The following CYP2C19 variants were observed in gnomAD, a reference collection of about 807,000 sequenced individuals.
The protein encoded by CYP2C19 is cytochrome P450 2C19.
A neutral mutation model predicts 40.9 loss-of-function variants in CYP2C19; 59 were observed. The observed-to-expected ratio is 1.44, with a 90% CI of 1.17 to 1.79. The LOEUF (loss-of-function observed/expected upper bound fraction) is 1.79, where lower values mean the gene tolerates loss of function less well. Among genes scored for constraint, CYP2C19 ranks in the 40% most tolerant of loss-of-function variants. The probability of loss-of-function intolerance (pLI) is 0.00; values close to 1 mark genes in which losing one functional copy is unlikely to be tolerated. For synonymous variants in CYP2C19, 253 were observed against 208.7 expected, an observed-to-expected ratio of 1.21 and a Z score of -1.83; for missense variants, 754 against 596.9, an observed-to-expected ratio of 1.26 and a Z score of -2.74.
intron 3 of CYP2C19, 127 bp from the exon 4 acceptor site, chr10:94,780,372 T>G (rs534343821): frequency 8.1e-7 from 1 of 1,234,814 alleles, no homozygotes; most frequent in East Asian, 2.6e-5. Flanking sequence ...AACTCTTTTT[T>G]GCTTTTAAGG....
intron 6 of CYP2C19, 28 bp from the exon 7 acceptor site, chr10:94,842,809 C>T: frequency 6.2e-7 from 1 of 1,611,752 alleles, no homozygotes; most frequent in East Asian, 2.2e-5. Flanking sequence ...CTCTCCTTTT[C>T]CATCAGTTCT....
chr10:94,765,911 G>A (rs1237934648), intron 1 of CYP2C19, among the ~76,000 whole-genome samples: 5 of 152,094 alleles, frequency 3.3e-5, no homozygotes, highest in Non-Finnish European at 7.3e-5. Context: ...CATTCATACA[G>A]GGGCTTGGAA....
At chr10:94,816,097 T>C (rs1174924330) in intron 5 of CYP2C19, among the ~76,000 whole-genome samples, 1 of 152,088 alleles carries the variant, frequency 6.6e-6, no homozygotes, top group Non-Finnish European at 1.5e-5. Flanking sequence ...TATATATTTT[T>C]TTTGCCAAAA....
At chr10:94,791,653 A>C (rs1848607089) in intron 5 of CYP2C19, among the ~76,000 whole-genome samples, 1 of 152,126 alleles carries the variant, frequency 6.6e-6, no homozygotes, top group South Asian at 2.1e-4. Flanking sequence ...CAGGTTGTTC[A>C]GTTTCCATGT....
intron 1 of CYP2C19, among the ~76,000 whole-genome samples, chr10:94,764,196 G>A (rs912464180): frequency 1.3e-5 from 2 of 152,136 alleles, no homozygotes; most frequent in African/African-American, 2.4e-5. Context: ...ACCCAAGAGG[G>A]TTGCCGCTGC....
chr10:94,806,900 C>T (rs1236720907), intron 5 of CYP2C19, among the ~76,000 whole-genome samples: 1 of 151,804 alleles, frequency 6.6e-6, no homozygotes, highest in Non-Finnish European at 1.5e-5. Context: ...GTGCTTGAAA[C>T]ATTAAAAATC....
chr10:94,832,406 C>T (rs541027388), intron 6 of CYP2C19, among the ~76,000 whole-genome samples: 110 of 152,290 alleles, frequency 7.2e-4, no homozygotes, highest in African/African-American at 2.5e-3. Context: ...TCTTGTAAGA[C>T]TTATTCACTA....
intron 3 of CYP2C19, among the ~76,000 whole-genome samples, chr10:94,777,717 A>G (rs1189911724): frequency 6.6e-6 from 1 of 152,180 alleles, no homozygotes; most frequent in African/African-American, 2.4e-5. Context: ...AAACCCAGGT[A>G]ATACCATTCA....
Position 94,850,021 on chromosome 10 carries a change from T to G in CYP2C19, c.1254T>G (p.Asn418Lys). The G allele has an allele frequency of 1.2e-6, 2 of 1,613,658 alleles. No homozygotes were observed. Among genetic ancestry groups the G allele is most frequent in the Non-Finnish European group, 1.7e-6 (2 of 1,179,714 alleles). ...GTCACTTTCTGGATGAAGGTGGAAA[T>G]TTTAAGAAAAGTAACTACTTCATGC... The part of the protein sequence containing the change: ...DPRHFLDEGG[N>K]FKKSNYFMPF... The change falls in exon 8 of 9, where the codon AAT becomes AAG. Residue 418 changes from asparagine to lysine, a missense_variant. Coordinates refer to ENST00000371321, the MANE Select transcript of CYP2C19 (RefSeq NM_000769.4).
At chr10:94,790,095 T>C (rs1169906936) in intron 5 of CYP2C19, among the ~76,000 whole-genome samples, 2 of 151,930 alleles carry the variant, frequency 1.3e-5, no homozygotes, top group African/African-American at 2.4e-5. Context: ...TATTTTATTC[T>C]CTTTGTAGCA....
intron 6 of CYP2C19, among the ~76,000 whole-genome samples, chr10:94,842,122 T>A (rs1158782187): frequency 2.0e-5 from 3 of 152,222 alleles, no homozygotes; most frequent in African/African-American, 7.2e-5. Flanking sequence ...TATTGGGGCC[T>A]ATCTCTCTCT....
rs118203757 is a variant in CYP2C19, at chr10:94,842,879, G to A, written c.1004G>A (p.Arg335Gln). 5.6e-5 allele frequency: 90 copies of A among 1,614,100 alleles called. No homozygotes were observed. The highest frequency in any genetic ancestry group is 5.5e-4 in the African/African-American group (41 of 74,998). Residue 335 changes from arginine to glutamine, a missense_variant, in exon 7 of 9, where the codon CGG becomes CAG. Arg to Gln is a conservative substitution (Grantham distance 43). Transcript: ENST00000371321. ...EEIERVIGRNRSPCMQDRGHM... is the reference protein window; with the variant it reads ...EEIERVIGRNQSPCMQDRGHM... ...ATTGAACGTGTCATTGGCAGAAACC[G>A]GAGCCCCTGCATGCAGGACAGGGGC...
intron 1 of CYP2C19, chr10:94,774,144 C>CA (rs1163840721): frequency 6.6e-6 from 1 of 152,144 alleles, no homozygotes; most frequent in Non-Finnish European, 1.5e-5. Context: ...GCCCAGATGG[C>CA]TTCACCTCTC....
chr10:94,803,741 C>T (rs1485819072), intron 5 of CYP2C19, among the ~76,000 whole-genome samples: 2 of 152,172 alleles, frequency 1.3e-5, no homozygotes, highest in Non-Finnish European at 2.9e-5. Flanking sequence ...GCCTAAACTT[C>T]TAATCCAGGT....
At chr10:94,812,568 C>A (rs904016668) in intron 5 of CYP2C19, among the ~76,000 whole-genome samples, 1 of 152,176 alleles carries the variant, frequency 6.6e-6, no homozygotes, top group South Asian at 2.1e-4. Context: ...AGGCTATGTT[C>A]ATTTCTTTTT....
At chr10:94,844,755 C>G (rs1811282377) in intron 7 of CYP2C19, among the ~76,000 whole-genome samples, 1 of 152,132 alleles carries the variant, frequency 6.6e-6, no homozygotes, top group African/African-American at 2.4e-5. Flanking sequence ...TTCACAAACA[C>G]AGGAGATAAC....
intron 1 of CYP2C19, among the ~76,000 whole-genome samples, chr10:94,771,628 G>A (rs1848332713): frequency 1.3e-5 from 2 of 152,032 alleles, no homozygotes; most frequent in South Asian, 4.1e-4. Context: ...GCATTTCAAG[G>A]GTGAGCCTGT....
intron 5 of CYP2C19, among the ~76,000 whole-genome samples, chr10:94,784,598 G>A (rs1463083253): frequency 6.6e-6 from 1 of 151,802 alleles, no homozygotes; most frequent in African/African-American, 2.4e-5. Flanking sequence ...AATGTAAAGT[G>A]GTATCTCATT....
intron 6 of CYP2C19, among the ~76,000 whole-genome samples, chr10:94,829,223 T>G (rs890961667): frequency 2.6e-5 from 4 of 152,224 alleles, no homozygotes; most frequent in African/African-American, 9.7e-5. Context: ...CGTGCTAGAT[T>G]GGGGAAGTTC....
Sources: gnomAD v4.1 joint callset for allele counts (sites outside exome capture counted in the v4.1 genomes callset) on GRCh38, gnomAD v4.1.1 for gene constraint, MANE v1.5 for transcripts, NCBI Gene and HGNC (gene_info 2026-07-23, HGNC 2026-07-21) for gene names.